Variants in SCFD2 observed in about 807,000 individuals in gnomAD.
SCFD2 encodes the protein sec1 family domain containing 2.
In SCFD2, 54 loss-of-function variants were observed where a neutral mutation model predicts 58.9. The observed-to-expected ratio is 0.92, with a 90% CI of 0.74 to 1.15. The LOEUF (loss-of-function observed/expected upper bound fraction) is 1.15, where lower values mean the gene tolerates loss of function less well. SCFD2 is among the 50% of genes most tolerant of loss of function. The probability of loss-of-function intolerance (pLI) is 0.00; values close to 1 mark genes in which losing one functional copy is unlikely to be tolerated. For missense variants in SCFD2, 805 were observed against 836.6 expected (o/e 0.96, Z 0.47); for synonymous variants, 321 against 335.9 (o/e 0.96, Z 0.49).
chr4:53,341,261 A>T (rs1414681060), intron 2 of SCFD2, among the ~76,000 whole-genome samples: 1 of 152,196 alleles, frequency 6.6e-6, no homozygotes, highest in Non-Finnish European at 1.5e-5. Context: ...GAAGTACTTA[A>T]ATGACCTGGT....
In SCFD2 at chr4:53,163,411, C is replaced by T. The variant is rs114359034; in HGVS notation, c.1312-17829G>A. 7.4e-3 allele frequency among the ~76,000 whole-genome samples: 1,122 copies of T among 152,194 alleles called. 7 individuals carry two copies. Among genetic ancestry groups the T allele is most frequent in the African/African-American group, 0.026 (1,065 of 41,520 alleles). On this transcript the variant is annotated intron_variant, in intron 4 of 8. Coordinates refer to ENST00000401642, the MANE Select transcript of SCFD2 (RefSeq NM_152540.4). Reference sequence around the variant, plus strand: ...CACCGCTCCTCTAAGAAATGAATGACTGGATGGCTGCATTTAAAAAGAGGA... The same window carrying T: ...CACCGCTCCTCTAAGAAATGAATGATTGGATGGCTGCATTTAAAAAGAGGA...
At chr4:53,112,024 T>C (rs747257036) in intron 5 of SCFD2, among the ~76,000 whole-genome samples, 10 of 152,096 alleles carry the variant, frequency 6.6e-5, no homozygotes, top group Non-Finnish European at 1.5e-4. Flanking sequence ...ATGAAGATCA[T>C]TTAGGAATGA....
chr4:53,020,741 C>T (rs144853412), intron 5 of SCFD2, among the ~76,000 whole-genome samples: 2 of 152,200 alleles, frequency 1.3e-5, no homozygotes, highest in South Asian at 2.1e-4. Context: ...AATACACCAC[C>T]GCCACACAGG....
At chr4:52,925,369 TATAC>T (rs59557107) in intron 5 of SCFD2, among the ~76,000 whole-genome samples, 5,314 of 150,342 alleles carry the variant, frequency 0.035, 352 homozygotes, top group African/African-American at 0.12. Context: ...TATATATATA[TATAC>T]ATGATCAACA....
At chr4:52,895,209 T>G (rs1168200703) in intron 7 of SCFD2, among the ~76,000 whole-genome samples, 1 of 152,154 alleles carries the variant, frequency 6.6e-6, no homozygotes, top group Non-Finnish European at 1.5e-5. Context: ...TTAGGATACA[T>G]GTGCACAACG....
At chr4:53,168,202 G>A (rs761259616) in intron 4 of SCFD2, among the ~76,000 whole-genome samples, 1 of 152,148 alleles carries the variant, frequency 6.6e-6, no homozygotes, top group African/African-American at 2.4e-5. Context: ...ATTTGGACTT[G>A]GGTTGCCTTA....
chr4:53,217,781 C>A (rs999437265), intron 4 of SCFD2, among the ~76,000 whole-genome samples: 1 of 152,106 alleles, frequency 6.6e-6, no homozygotes, highest in Admixed American at 6.5e-5. Flanking sequence ...TGGCTGGTAA[C>A]GGTTGTTCCT....
intron 4 of SCFD2, among the ~76,000 whole-genome samples, chr4:53,164,664 T>C (rs933955034): frequency 6.6e-6 from 1 of 151,852 alleles, no homozygotes; most frequent in African/African-American, 2.4e-5. Flanking sequence ...TGTGGTGGCA[T>C]GCCTGTAGTT....
intron 5 of SCFD2, among the ~76,000 whole-genome samples, chr4:53,069,231 T>C (rs576564486): frequency 1.3e-5 from 2 of 152,218 alleles, no homozygotes; most frequent in Admixed American, 1.3e-4. Context: ...CTTTACTGAT[T>C]TGCCCAGCAG....
Position 53,248,099 on chromosome 4 carries a change from T to C in SCFD2, c.1311+25727A>G, listed in dbSNP as rs553504506. On this transcript the variant is annotated intron_variant, in intron 4 of 8. Transcript: ENST00000401642. Reference sequence around the variant, plus strand: ...GCGCCACCCGAAGCAGGGCGAGGCATTGCCTCACTGGGAAGCACAAGGGAT... The same window carrying C: ...GCGCCACCCGAAGCAGGGCGAGGCACTGCCTCACTGGGAAGCACAAGGGAT... 1.1e-3 allele frequency among the ~76,000 whole-genome samples: 168 copies of C among 152,282 alleles called. 1 individual carries two copies. The highest frequency in any genetic ancestry group is 3.8e-3 in the African/African-American group (157 of 41,572).
rs572292117 is a variant in SCFD2, at chr4:52,920,519, C to T, written c.1707+206G>A. ...GGCTGACTCCCAACTCAGTGCTCATCCCACCATATCAAGCCTGGGGCATAA... is the reference window on the plus strand; with the variant it reads ...GGCTGACTCCCAACTCAGTGCTCATTCCACCATATCAAGCCTGGGGCATAA... On this transcript the variant is annotated intron_variant, in intron 6 of 8. Coordinates refer to ENST00000401642, the MANE Select transcript of SCFD2 (RefSeq NM_152540.4). 6.6e-5 allele frequency among the ~76,000 whole-genome samples: 10 copies of T among 152,248 alleles called. No homozygotes were observed. The South Asian group carries it at 2.1e-3, about 32-fold the overall frequency.
chr4:53,153,134 C>T (rs559913415), intron 4 of SCFD2, among the ~76,000 whole-genome samples: 5 of 152,338 alleles, frequency 3.3e-5, no homozygotes, highest in Non-Finnish European at 7.3e-5. Context: ...TCCCACAAAG[C>T]TCATCTTGAG....
rs546572889 is a variant in SCFD2 at position 53,200,614 on chromosome 4, G to A, written c.1312-55032C>T. ...TTCCTGTTTGAAAAGTCAGAAGATA[G>A]GACAAGCGCTTGTCTCGTAACTGAA... On this transcript the variant is annotated intron_variant, in intron 4 of 8. Coordinates refer to ENST00000401642, the MANE Select transcript of SCFD2 (RefSeq NM_152540.4). Among the ~76,000 whole-genome samples the A allele has an allele frequency of 3.3e-5, 5 of 152,184 alleles. No individual in the cohort carries two copies. In the South Asian group the frequency reaches 1.0e-3, roughly 32 times the overall value.
intron 5 of SCFD2, among the ~76,000 whole-genome samples, chr4:52,927,991 T>C (rs1719901005): frequency 6.6e-6 from 1 of 152,220 alleles, no homozygotes; most frequent in Non-Finnish European, 1.5e-5. Context: ...CACTTGTATC[T>C]GTCATCAATT....
intron 5 of SCFD2, among the ~76,000 whole-genome samples, chr4:53,093,502 G>A (rs13141154): frequency 0.97 from 147,167 of 152,262 alleles, 71,296 homozygotes; most frequent in Middle Eastern, 1. Context: ...TCCTACAGAT[G>A]TACTCACACA....
intron 2 of SCFD2, among the ~76,000 whole-genome samples, chr4:53,346,335 C>T (rs1475285358): frequency 2.7e-5 from 4 of 146,464 alleles, no homozygotes; most frequent in Admixed American, 7.0e-5. Flanking sequence ...AGTGCAATGG[C>T]GCGATCTCTG....
intron 5 of SCFD2, among the ~76,000 whole-genome samples, chr4:53,099,738 C>T (rs1292363680): frequency 6.6e-6 from 1 of 152,166 alleles, no homozygotes; most frequent in African/African-American, 2.4e-5. Context: ...GGGCATTAGT[C>T]TTATTCATGA....
At chr4:53,082,786 C>G (rs1287596011) in intron 5 of SCFD2, among the ~76,000 whole-genome samples, 6 of 152,128 alleles carry the variant, frequency 3.9e-5, no homozygotes, top group African/African-American at 1.2e-4. Context: ...GACATCAGTG[C>G]TCCTGATTCT....
chr4:53,335,916 A>G (rs1347821604), intron 2 of SCFD2, among the ~76,000 whole-genome samples: 2 of 152,192 alleles, frequency 1.3e-5, no homozygotes, highest in East Asian at 3.8e-4. Flanking sequence ...GGTATTGTTA[A>G]AACAATTTAA....
Sources: gnomAD v4.1 joint callset for allele counts (sites outside exome capture counted in the v4.1 genomes callset) on GRCh38, gnomAD v4.1.1 for gene constraint, MANE v1.5 for transcripts, NCBI Gene and HGNC (gene_info 2026-07-23, HGNC 2026-07-21) for gene names.